Variants in SLC35F4 observed in about 807,000 individuals in gnomAD.
The protein encoded by SLC35F4 is chromosome 14 open reading frame 36.
SLC35F4 carries 24 observed loss-of-function variants against 44.2 expected under a neutral mutation model. That is an observed-to-expected ratio of 0.54 (90% CI 0.39 to 0.76). SLC35F4 has a LOEUF of 0.76. Among genes scored for constraint, SLC35F4 ranks in the 30% least tolerant of loss-of-function variants. SLC35F4 has a pLI of 0.00. For synonymous variants in SLC35F4, 238 were observed against 223.6 expected (o/e 1.06, Z -0.57); for missense variants, 562 against 586.1 (o/e 0.96, Z 0.42).
chr14:57,963,025 C>G (rs1400452872), intron 1 of SLC35F4, among the ~76,000 whole-genome samples: 1 of 152,114 alleles, frequency 6.6e-6, no homozygotes, highest in Non-Finnish European at 1.5e-5. Context: ...TAGAAGCTAC[C>G]AGGGTAACCC....
chr14:57,956,349 C>A (rs569148570), intron 1 of SLC35F4, among the ~76,000 whole-genome samples: 1 of 152,270 alleles, frequency 6.6e-6, no homozygotes, highest in South Asian at 2.1e-4. Context: ...AGAAGAAAAC[C>A]TAGGCAATAC....
At chr14:57,681,594 C>G (rs182920529) in intron 1 of SLC35F4, among the ~76,000 whole-genome samples, 53 of 152,176 alleles carry the variant, frequency 3.5e-4, no homozygotes, top group Admixed American at 1.9e-3. Flanking sequence ...CTGGCATGGG[C>G]AAAGACTTCA....
At chr14:57,827,113 GC>G (rs145652861) in intron 1 of SLC35F4, among the ~76,000 whole-genome samples, 4,537 of 152,072 alleles carry the variant, frequency 0.03, 205 homozygotes, top group African/African-American at 0.1. Context: ...CAACCCAAAT[GC>G]CCATCAATAA....
chr14:57,593,551 G>A (rs2070318024), intron 2 of SLC35F4, among the ~76,000 whole-genome samples: 1 of 152,152 alleles, frequency 6.6e-6, no homozygotes, highest in South Asian at 2.1e-4. Context: ...AGCAGATTCT[G>A]TTATTTTACT....
chr14:57,937,266 C>T (rs1441885313), intron 1 of SLC35F4, among the ~76,000 whole-genome samples: 1 of 152,018 alleles, frequency 6.6e-6, no homozygotes, highest in Non-Finnish European at 1.5e-5. Context: ...CGGGGTTTCT[C>T]AATGTCGGTC....
Position 57,605,305 on chromosome 14 carries a change from G to C in SLC35F4, c.104-11181C>G, listed in dbSNP as rs145205571. ...AAAAGATGAGGAAAGGATATGAACA[G>C]ACAGTTCTGAAAAGAAGACATACAA... On this transcript the variant is annotated intron_variant, in intron 1 of 7. Transcript: ENST00000556826. 1.4e-3 allele frequency among the ~76,000 whole-genome samples: 210 copies of C among 152,160 alleles called. 1 individual carries two copies. The highest frequency in any genetic ancestry group is 4.8e-3 in the African/African-American group (199 of 41,528).
At chr14:57,941,071 T>G (rs1334900186) in intron 1 of SLC35F4, among the ~76,000 whole-genome samples, 1 of 152,188 alleles carries the variant, frequency 6.6e-6, no homozygotes, top group Non-Finnish European at 1.5e-5. Context: ...GTGGAGAACT[T>G]GGAACCCTTG....
chr14:57,576,915 T>G (rs2068827551), intron 4 of SLC35F4, among the ~76,000 whole-genome samples: 1 of 152,330 alleles, frequency 6.6e-6, no homozygotes, highest in South Asian at 2.1e-4. Flanking sequence ...TACAGATTCC[T>G]TGAGGGTGTA....
rs1317681847 is a variant in SLC35F4 at position 57,569,975 on chromosome 14, C to T, written c.939G>A (p.Leu313=). Residue 313 remains leucine, a synonymous_variant, in exon 6 of 8, where the codon TTG becomes TTA. Coordinates refer to ENST00000556826, the MANE Select transcript of SLC35F4 (RefSeq NM_001306087.2). ...TGGCACTTCCAAGAAACATTTTAAA[C>T]AAGACCTGGAATGAGAAAGAAACTC... is the stretch of plus-strand genomic sequence containing the variant. ...SASTSALYKV[L]FKMFLGSANF... is the part of the protein sequence containing the mutation. 7 of 1,601,758 alleles carry T rather than the reference C, an allele frequency of 4.4e-6. No homozygotes were observed. Among genetic ancestry groups the T allele is most frequent in the Non-Finnish European group, 5.1e-6 (6 of 1,175,450 alleles).
At chr14:57,895,969 C>A (rs1888860680) in intron 1 of SLC35F4, among the ~76,000 whole-genome samples, 1 of 152,048 alleles carries the variant, frequency 6.6e-6, no homozygotes, top group Non-Finnish European at 1.5e-5. Flanking sequence ...TTCCTATGTA[C>A]TCTTAAAGAG....
intron 1 of SLC35F4, among the ~76,000 whole-genome samples, chr14:57,827,004 C>T (rs1010175567): frequency 6.6e-6 from 1 of 152,154 alleles, no homozygotes; most frequent in East Asian, 1.9e-4. Flanking sequence ...AATCCCATTA[C>T]TGGGTATATA....
intron 1 of SLC35F4, among the ~76,000 whole-genome samples, chr14:57,708,769 G>T (rs894876658): frequency 1.3e-5 from 2 of 152,092 alleles, no homozygotes; most frequent in Non-Finnish European, 2.9e-5. Flanking sequence ...CGAATGCCAT[G>T]CTGCGCTGAT....
chr14:57,688,998 T>G (rs538148827), intron 1 of SLC35F4, among the ~76,000 whole-genome samples: 1 of 152,300 alleles, frequency 6.6e-6, no homozygotes, highest in Admixed American at 6.5e-5. Context: ...TGTGTACCTA[T>G]TATTTGTTAG....
intron 1 of SLC35F4, among the ~76,000 whole-genome samples, chr14:57,859,617 TA>T (rs1240105954): frequency 6.6e-6 from 1 of 152,144 alleles, no homozygotes; most frequent in Non-Finnish European, 1.5e-5. Context: ...GGTATTTGAT[TA>T]GGGGTGTGAG....
chr14:57,573,265 A>AG (rs1566629304), intron 4 of SLC35F4, among the ~76,000 whole-genome samples: 1 of 152,198 alleles, frequency 6.6e-6, no homozygotes, highest in Non-Finnish European at 1.5e-5. Flanking sequence ...ACCAAAAGCA[A>AG]GGGCCCACTT....
intron 1 of SLC35F4, among the ~76,000 whole-genome samples, chr14:57,655,244 A>C (rs368678223): frequency 6.6e-6 from 1 of 152,106 alleles, no homozygotes; most frequent in Non-Finnish European, 1.5e-5. Context: ...AATTATAAAT[A>C]ATCTTTTTCT....
intron 1 of SLC35F4, among the ~76,000 whole-genome samples, chr14:57,850,315 A>G (rs1886440823): frequency 6.6e-6 from 1 of 152,200 alleles, no homozygotes; most frequent in Admixed American, 6.5e-5. Context: ...GGCACCTGAA[A>G]TACTGTCAGT....
At chr14:57,684,361 G>T (rs1594790568) in intron 1 of SLC35F4, among the ~76,000 whole-genome samples, 1 of 152,098 alleles carries the variant, frequency 6.6e-6, no homozygotes, top group Non-Finnish European at 1.5e-5. Flanking sequence ...TTTTTCCAAG[G>T]ACAATGGGGT....
chr14:57,576,005 CTT>C (rs1231594963), intron 4 of SLC35F4, among the ~76,000 whole-genome samples: 1 of 142,584 alleles, frequency 7.0e-6, no homozygotes, highest in African/African-American at 2.6e-5. Context: ...TTTCTTTTTT[CTT>C]TTTCTCTTTT....
Sources: gnomAD v4.1 joint callset for allele counts (sites outside exome capture counted in the v4.1 genomes callset) on GRCh38, gnomAD v4.1.1 for gene constraint, MANE v1.5 for transcripts, NCBI Gene and HGNC (gene_info 2026-07-23, HGNC 2026-07-21) for gene names.